ACOT12: variants seen among roughly 807,000 people sequenced by gnomAD.
ACOT12 encodes acetyl-coenzyme A thioesterase.
In ACOT12, 51 loss-of-function variants were observed where a neutral mutation model predicts 67.7. The observed-to-expected ratio is 0.75, with a 90% confidence interval of 0.60 to 0.95. The LOEUF is 0.95. ACOT12 is among the 40% of genes least tolerant of loss of function. The pLI, the probability that ACOT12 is intolerant of heterozygous loss-of-function variation, is 0.00. For synonymous variants in ACOT12, 251 were observed against 244.6 expected, an observed-to-expected ratio of 1.03 and a Z score of -0.24; for missense variants, 734 against 708.1, an observed-to-expected ratio of 1.04 and a Z score of -0.41.
the ACOT12 span, among the ~76,000 whole-genome samples, chr5:81,315,922 T>C: frequency 6.6e-6 from 1 of 152,268 alleles, no homozygotes; most frequent in Non-Finnish European, 1.5e-5. Context: ...TTAAGTTATT[T>C]ATTATATGTG....
chr5:81,370,502 T>A (rs1398961907), intron 3 of ACOT12, among the ~76,000 whole-genome samples: 3 of 152,118 alleles, frequency 2.0e-5, no homozygotes, highest in African/African-American at 7.2e-5. Flanking sequence ...CCTAATCCAA[T>A]ATGACCGATA....
At chr5:81,315,916 G>A in the ACOT12 span, among the ~76,000 whole-genome samples, 1 of 152,134 alleles carries the variant, frequency 6.6e-6, no homozygotes, top group Non-Finnish European at 1.5e-5. Context: ...ACCATATTAA[G>A]TTATTTATTA....
chr5:81,387,748 T>G (rs1362588889), intron 1 of ACOT12, among the ~76,000 whole-genome samples: 7 of 152,174 alleles, frequency 4.6e-5, no homozygotes, highest in Admixed American at 4.6e-4. Context: ...TCTCATGATT[T>G]TGCCCAAGCT....
At chr5:81,376,539 A>G (rs1050563469) in intron 2 of ACOT12, among the ~76,000 whole-genome samples, 1 of 151,974 alleles carries the variant, frequency 6.6e-6, no homozygotes, top group African/African-American at 2.4e-5. Flanking sequence ...AAAAAAGTCA[A>G]TGAATCCAGA....
the ACOT12 span, chr5:81,311,116 G>A: frequency 8.1e-7 from 1 of 1,241,054 alleles, no homozygotes; most frequent in Non-Finnish European, 1.2e-6. Context: ...AACTGACAGG[G>A]TTGTGAGGAT....
chr5:81,383,515 A>C (rs1359626682), intron 2 of ACOT12, among the ~76,000 whole-genome samples: 3 of 152,230 alleles, frequency 2.0e-5, no homozygotes, highest in African/African-American at 4.8e-5. Context: ...TTTCTTTAAA[A>C]AATAAATTGC....
the ACOT12 span, among the ~76,000 whole-genome samples, chr5:81,319,352 T>A: frequency 6.6e-6 from 1 of 152,178 alleles, no homozygotes; most frequent in African/African-American, 2.4e-5. Flanking sequence ...AATTCAATGG[T>A]TTTAGTATAT....
intron 2 of ACOT12, among the ~76,000 whole-genome samples, chr5:81,381,933 T>C (rs367550955): frequency 9.2e-5 from 14 of 152,344 alleles, no homozygotes; most frequent in African/African-American, 3.4e-4. Context: ...GAGATACAGT[T>C]TGAGAAAGAA....
chr5:81,309,090 T>A, the ACOT12 span: 1 of 1,332,076 alleles, frequency 7.5e-7, no homozygotes, highest in Non-Finnish European at 1.0e-6. Context: ...CGTGCAGTTG[T>A]GATTTAATTT....
chr5:81,354,467 T>C lies in ACOT12; in HGVS notation c.496+5436A>G, dbSNP rs547158009. Reference sequence around the variant, plus strand: ...CAGAAGAAGCCGGTGCAGCCACCCATGTTTACCTGGCTCTTGTTACCTTGA... The same window carrying C: ...CAGAAGAAGCCGGTGCAGCCACCCACGTTTACCTGGCTCTTGTTACCTTGA... On this transcript the variant is annotated intron_variant, in intron 5 of 14. Transcript: ENST00000307624. Among the ~76,000 whole-genome samples, 31 of 152,294 alleles carry C rather than the reference T, an allele frequency of 2.0e-4. No homozygotes were observed. The South Asian group carries it at 3.9e-3, about 19-fold the overall frequency.
chr5:81,325,851 C>A (rs1007510774), downstream of ACOT12, among the ~76,000 whole-genome samples: 8 of 152,148 alleles, frequency 5.3e-5, no homozygotes, highest in African/African-American at 1.9e-4. Flanking sequence ...CACTCTGTCT[C>A]CCAGGCTGGA....
chr5:81,319,627 G>T, the ACOT12 span, among the ~76,000 whole-genome samples: 1 of 151,804 alleles, frequency 6.6e-6, no homozygotes, highest in Admixed American at 6.6e-5. Flanking sequence ...CGAGGCAGGA[G>T]AATCGCTTGA....
intron 8 of ACOT12, among the ~76,000 whole-genome samples, chr5:81,344,673 G>A (rs188904332): frequency 2.8e-4 from 43 of 152,252 alleles, no homozygotes; most frequent in Admixed American, 2.6e-3. Context: ...TGTGTAGCCC[G>A]GTAGAGGTGA....
chr5:81,388,919 G>A (rs1045063089), intron 1 of ACOT12, among the ~76,000 whole-genome samples: 2 of 152,132 alleles, frequency 1.3e-5, no homozygotes, highest in Non-Finnish European at 2.9e-5. Context: ...TTTCTCTCCT[G>A]CCACCGCCAT....
At chr5:81,332,141 G>C (rs528315649) in intron 13 of ACOT12, among the ~76,000 whole-genome samples, 113 of 152,242 alleles carry the variant, frequency 7.4e-4, no homozygotes, top group Non-Finnish European at 1.5e-3. Context: ...GTCAAGCCTT[G>C]GTGAATTCTA....
chr5:81,369,183 T>A (rs898490642), intron 3 of ACOT12, among the ~76,000 whole-genome samples: 4 of 151,206 alleles, frequency 2.6e-5, no homozygotes, highest in Admixed American at 6.6e-5. Flanking sequence ...ACTCATATAA[T>A]GTGCTCTTAG....
the ACOT12 span, among the ~76,000 whole-genome samples, chr5:81,317,477 G>A: frequency 6.6e-6 from 1 of 150,502 alleles, no homozygotes. Flanking sequence ...ACACCAGCCT[G>A]GGCAAGAAAG....
chr5:81,370,167 G>A lies in ACOT12; in HGVS notation c.258+1583C>T, dbSNP rs897477470. ...CATGCACCTGTAATCCCAGCTACTCGGGAGGCTGAGGCAGGAGAATCACTT... is the reference window on the plus strand; with the variant it reads ...CATGCACCTGTAATCCCAGCTACTCAGGAGGCTGAGGCAGGAGAATCACTT... On this transcript the variant is annotated intron_variant, in intron 3 of 14. Transcript: ENST00000307624. 7.2e-5 allele frequency among the ~76,000 whole-genome samples: 11 copies of A among 152,160 alleles called. 1 individual carries two copies. The highest frequency in any genetic ancestry group is 3.4e-3 in the Middle Eastern group (1 of 294).
intron 1 of ACOT12, among the ~76,000 whole-genome samples, chr5:81,386,994 CATTTTTT>C (rs1194329826): frequency 1.2e-4 from 16 of 128,480 alleles, no homozygotes; most frequent in Non-Finnish European, 1.9e-4. Flanking sequence ...GGATGAGTTC[CATTTTTT>C]TTTTTTTTTT....
Sources: allele counts gnomAD v4.1 joint callset (sites outside exome capture counted in the v4.1 genomes callset), GRCh38; gene constraint gnomAD v4.1.1; transcripts MANE v1.5; gene names NCBI Gene and HGNC (gene_info 2026-07-23, HGNC 2026-07-21).